ADGRA1: variants seen among roughly 807,000 people sequenced by gnomAD.
ADGRA1 encodes G-protein coupled receptor 123.
Under a neutral mutation model 21.3 loss-of-function variants are expected in ADGRA1, and 12 were observed. That is an observed-to-expected ratio of 0.56 (90% CI 0.36 to 0.91). ADGRA1 has a LOEUF of 0.91. ADGRA1 is among the 40% of genes least tolerant of loss of function. The pLI is 0.01. For missense variants in ADGRA1, 790 were observed against 805.6 expected, an observed-to-expected ratio of 0.98 and a Z score of 0.23; for synonymous variants, 385 against 368.8, an observed-to-expected ratio of 1.04 and a Z score of -0.50.
At chr10:133,109,509 C>T (rs1168423863) in intron 5 of ADGRA1, among the ~76,000 whole-genome samples, 1 of 152,188 alleles carries the variant, frequency 6.6e-6, no homozygotes, top group East Asian at 1.9e-4. Context: ...GCCTCACCTG[C>T]CCTTTGAGCA....
chr10:133,098,543 C>T, intron 3 of ADGRA1, 97 bp from the exon 4 acceptor site: 1 of 1,463,320 alleles, frequency 6.8e-7, no homozygotes, highest in Non-Finnish European at 9.1e-7. Context: ...AGAGCCCGGA[C>T]TTCCCGGGGA....
At chr10:133,102,341 C>G (rs1363921196) in intron 4 of ADGRA1, 3 of 514,756 alleles carry the variant, frequency 5.8e-6, no homozygotes, top group Non-Finnish European at 1.2e-5. Flanking sequence ...CTATCCAGGT[C>G]TGAGCTCAGG....
intron 5 of ADGRA1, among the ~76,000 whole-genome samples, chr10:133,120,410 A>T (rs934367071): frequency 3.9e-5 from 6 of 152,012 alleles, no homozygotes; most frequent in Non-Finnish European, 7.4e-5. Flanking sequence ...GTCTCAAAAA[A>T]AGAAAAAAAA....
intron 4 of ADGRA1, among the ~76,000 whole-genome samples, chr10:133,101,774 G>C (rs1031269747): frequency 2.6e-5 from 4 of 152,278 alleles, no homozygotes; most frequent in Non-Finnish European, 5.9e-5. Context: ...TGGCCAGGCC[G>C]GGGGAAAGGG....
rs556147505 is a variant in ADGRA1, at chr10:133,094,333, AGT to A, written c.4-2640_4-2639del. Among the ~76,000 whole-genome samples, 854 of 152,350 alleles carry A rather than the reference AGT, an allele frequency of 5.6e-3. 3 individuals carry two copies. The highest frequency in any genetic ancestry group is 0.011 in the South Asian group (52 of 4,832). On this transcript the variant is annotated intron_variant, in intron 2 of 6. Coordinates refer to ENST00000392607, the MANE Select transcript of ADGRA1 (RefSeq NM_001083909.3). ...ACTAAAAGCCACAAACGGGAGGCTAAGTCTCCTTCTGGCCCTGAGGATGGAGG... is the reference window on the plus strand; with the variant it reads ...ACTAAAAGCCACAAACGGGAGGCTAACTCCTTCTGGCCCTGAGGATGGAGG...
intron 5 of ADGRA1, among the ~76,000 whole-genome samples, chr10:133,121,500 C>A (rs994806156): frequency 6.9e-6 from 1 of 144,996 alleles, no homozygotes; most frequent in African/African-American, 2.6e-5. Context: ...TGCCAGTGTG[C>A]GTGTGTGCAA....
At chr10:133,100,487 G>A (rs990272611) in intron 4 of ADGRA1, among the ~76,000 whole-genome samples, 1 of 152,242 alleles carries the variant, frequency 6.6e-6, no homozygotes, top group African/African-American at 2.4e-5. Context: ...GCCACTGCTT[G>A]CCTGGACGGA....
intron 5 of ADGRA1, among the ~76,000 whole-genome samples, chr10:133,121,376 T>C (rs768537954): frequency 6.6e-6 from 1 of 152,094 alleles, no homozygotes; most frequent in African/African-American, 2.4e-5. Context: ...AGGGTACGTG[T>C]GTGCATGTGT....
In ADGRA1 at chr10:133,102,705, C is replaced by T. The variant is rs372520582; in HGVS notation, c.264C>T (p.Ile88=). The stretch of plus-strand genomic sequence containing the variant: ...CCGCTGCTCCCCCACAGGTGGGCAT[C>T]GTGCTGCACTATTCTACACTGTCCA... ...KYPILCQAVG[I]VLHYSTLSTM... is the part of the protein sequence containing the mutation. The change falls in exon 5 of 7, where the codon ATC becomes ATT. Residue 88 remains isoleucine, a synonymous_variant. Coordinates refer to ENST00000392607, the MANE Select transcript of ADGRA1 (RefSeq NM_001083909.3). The T allele has an allele frequency of 1.1e-5, 18 of 1,597,200 alleles. No individual in the cohort carries two copies. Among genetic ancestry groups the T allele is most frequent in the African/African-American group, 4.0e-5 (3 of 74,592 alleles).
Position 133,128,798 on chromosome 10 carries a change from C to A in ADGRA1, c.970C>A (p.Arg324Ser). ...GTGCTGGTGGGCATGCTGCCCGCCCCGCAAGGACGCCCACCCCGCACTTGA... is the reference window on the plus strand; with the variant it reads ...GTGCTGGTGGGCATGCTGCCCGCCCAGCAAGGACGCCCACCCCGCACTTGA... ...WQCWWACCPP[R>S]KDAHPALDAN... Residue 324 changes from arginine to serine, a missense_variant, in exon 7 of 7, where the codon CGC (arginine) becomes AGC (serine). Transcript: ENST00000392607. The A allele has an allele frequency of 6.2e-7, 1 of 1,608,704 alleles. No individual in the cohort carries two copies. The highest frequency in any genetic ancestry group is 1.1e-5 in the South Asian group (1 of 90,804).
chr10:133,107,056 C>G (rs1274326893), intron 5 of ADGRA1, among the ~76,000 whole-genome samples: 2 of 152,238 alleles, frequency 1.3e-5, no homozygotes, highest in African/African-American at 4.8e-5. Flanking sequence ...TCTTGCACCT[C>G]CTTGGTTGAA....
At chr10:133,116,056 A>C (rs1591182920) in intron 5 of ADGRA1, among the ~76,000 whole-genome samples, 3 of 87,130 alleles carry the variant, frequency 3.4e-5, no homozygotes, top group East Asian at 3.6e-4. Context: ...CCCACCTTCC[A>C]TCGGCTTCAG....
At chr10:133,106,999 G>A (rs555187567) in intron 5 of ADGRA1, among the ~76,000 whole-genome samples, 1 of 152,218 alleles carries the variant, frequency 6.6e-6, no homozygotes, top group South Asian at 2.1e-4. Flanking sequence ...CTTTTATTTA[G>A]CTCTTTAATT....
Position 133,129,043 on chromosome 10 carries a change from C to T in ADGRA1, c.1215C>T (p.Gly405=), listed in dbSNP as rs548141357. 3.4e-5 allele frequency: 53 copies of T among 1,556,510 alleles called. 1 individual carries two copies. The South Asian group carries it at 3.7e-4, about 11-fold the overall frequency. ...CGCACGTGCACCTGCAGGAGGAGGGCGCCTTCGGGCACGACCCCCACCTGC... is the reference window on the plus strand; with the variant it reads ...CGCACGTGCACCTGCAGGAGGAGGGTGCCTTCGGGCACGACCCCCACCTGC... ...DEAHVHLQEE[G]AFGHDPHLHG... The change falls in exon 7 of 7, where the codon GGC becomes GGT. Residue 405 remains glycine, a synonymous_variant. Coordinates refer to ENST00000392607, the MANE Select transcript of ADGRA1 (RefSeq NM_001083909.3).
chr10:133,109,323 C>T (rs1851946675), intron 5 of ADGRA1, among the ~76,000 whole-genome samples: 1 of 152,104 alleles, frequency 6.6e-6, no homozygotes, highest in East Asian at 1.9e-4. Flanking sequence ...TGTGGACTGC[C>T]CTGACCCCAG....
chr10:133,122,867 A>AGGCACACGCGTCCCCG (rs1241724145), intron 5 of ADGRA1, among the ~76,000 whole-genome samples: 5,113 of 150,390 alleles, frequency 0.034, 162 homozygotes, highest in Middle Eastern at 0.048. Flanking sequence ...ACGCGTCCCC[A>AGGCACACGCGTCCCCG]GGCTGCACTG....
At chr10:133,101,491 C>T (rs1241402307) in intron 4 of ADGRA1, among the ~76,000 whole-genome samples, 4 of 152,352 alleles carry the variant, frequency 2.6e-5, no homozygotes, top group Non-Finnish European at 5.9e-5. Flanking sequence ...AAGTCGGTGT[C>T]CAGGACTCAG....
chr10:133,098,737 A>G lies in ADGRA1; in HGVS notation c.229A>G (p.Thr77Ala). 6.2e-7 allele frequency: 1 copy of G among 1,611,762 alleles called. No homozygotes were observed. Among genetic ancestry groups the G allele is most frequent in the Non-Finnish European group, 8.5e-7 (1 of 1,179,946 alleles). Residue 77 changes from threonine to alanine, a missense_variant, in exon 4 of 7, where the codon ACC (threonine) becomes GCC (alanine). Coordinates refer to ENST00000392607, the MANE Select transcript of ADGRA1 (RefSeq NM_001083909.3). ...TGTGTTCGCCGGCGGCATCAATCGC[A>G]CCAAGTACCCCATCCTGTGCCAGGC... ...FTVFAGGINRTKYPILCQAVG... is the reference protein window; with the variant it reads ...FTVFAGGINRAKYPILCQAVG...
At chr10:133,103,658 G>A (rs1012611466) in intron 5 of ADGRA1, among the ~76,000 whole-genome samples, 7 of 152,336 alleles carry the variant, frequency 4.6e-5, no homozygotes, top group Admixed American at 1.3e-4. Context: ...AGACGTCCAC[G>A]TCTGGGAGGT....
Sources: gnomAD v4.1 joint callset for allele counts (sites outside exome capture counted in the v4.1 genomes callset) on GRCh38, gnomAD v4.1.1 for gene constraint, MANE v1.5 for transcripts, NCBI Gene and HGNC (gene_info 2026-07-23, HGNC 2026-07-21) for gene names.